UNC5C: variants seen among roughly 807,000 people sequenced by gnomAD.
UNC5C encodes the protein unc-5 netrin receptor C.
Under a neutral mutation model 99.8 loss-of-function variants are expected in UNC5C, and 47 were observed. That is an observed-to-expected ratio of 0.47 (90% CI 0.37 to 0.60). UNC5C has a LOEUF of 0.60. Among genes scored for constraint, UNC5C ranks in the 20% least tolerant of loss-of-function variants. The probability of loss-of-function intolerance (pLI) is 0.00; values close to 1 mark genes in which losing one functional copy is unlikely to be tolerated. For synonymous variants in UNC5C, 487 were observed against 452.2 expected, an observed-to-expected ratio of 1.08 and a Z score of -0.98; for missense variants, 1,062 against 1,165.9, an observed-to-expected ratio of 0.91 and a Z score of 1.30.
chr4:95,383,213 C>G (rs961723478), intron 1 of UNC5C, among the ~76,000 whole-genome samples: 1 of 151,986 alleles, frequency 6.6e-6, no homozygotes, highest in African/African-American at 2.4e-5. Flanking sequence ...TTTTCTTCTT[C>G]CAGCAAAGGA....
intron 1 of UNC5C, among the ~76,000 whole-genome samples, chr4:95,374,440 G>A (rs1744835044): frequency 6.6e-6 from 1 of 151,938 alleles, no homozygotes; most frequent in Non-Finnish European, 1.5e-5. Context: ...ATGCCTCTAT[G>A]GCCATCCTGG....
intron 1 of UNC5C, among the ~76,000 whole-genome samples, chr4:95,518,090 C>T (rs774049173): frequency 2.1e-4 from 32 of 152,120 alleles, no homozygotes; most frequent in Non-Finnish European, 3.7e-4. Context: ...TGTTATTCAA[C>T]ATAACCCTTC....
chr4:95,418,026 T>C (rs1208657644), intron 1 of UNC5C, among the ~76,000 whole-genome samples: 1 of 152,190 alleles, frequency 6.6e-6, no homozygotes, highest in Non-Finnish European at 1.5e-5. Context: ...AAGAAGTGAT[T>C]AGAAACTTTA....
chr4:95,424,518 C>CTTTCTTTTTTTTTTT (rs1746411107), intron 1 of UNC5C, among the ~76,000 whole-genome samples: 1 of 67,952 alleles, frequency 1.5e-5, no homozygotes, highest in Non-Finnish European at 2.7e-5. Context: ...TTTTTCTTTT[C>CTTTCTTTTTTTTTTT]TTTTTTTTTT....
intron 1 of UNC5C, among the ~76,000 whole-genome samples, chr4:95,347,902 GACA>G (rs775893454): frequency 2.0e-5 from 3 of 151,990 alleles, no homozygotes; most frequent in Non-Finnish European, 4.4e-5. Context: ...AGCAAAAATG[GACA>G]AATGGGTTCA....
intron 12 of UNC5C, among the ~76,000 whole-genome samples, chr4:95,194,707 C>T (rs1014809826): frequency 3.9e-5 from 6 of 152,176 alleles, no homozygotes; most frequent in Non-Finnish European, 7.3e-5. Context: ...CAGATGGTCC[C>T]GGATAATCTC....
At chr4:95,254,392 G>C (rs1473530957) in intron 4 of UNC5C, among the ~76,000 whole-genome samples, 2 of 152,108 alleles carry the variant, frequency 1.3e-5, no homozygotes, top group Non-Finnish European at 2.9e-5. Context: ...GAAAACATTT[G>C]TAATATATTA....
chr4:95,219,057 G>A lies in UNC5C; in HGVS notation c.1557C>T (p.Asn519=), dbSNP rs949113007. Residue 519 remains asparagine (N), a synonymous_variant, in exon 9 of 16, where the codon AAC becomes AAT. Coordinates refer to ENST00000453304, the MANE Select transcript of UNC5C (RefSeq NM_003728.4). ...GATCAGTCTGCCTTGCTAGACTCTG[G>A]TTCTTCAGGCTGAGGGCTTCATTCT... ...LLENEALSLK[N]QSLARQTDPS... is the part of the protein sequence containing the mutation. 15 of 1,614,160 alleles carry A rather than the reference G, an allele frequency of 9.3e-6. No individual in the cohort carries two copies. Among genetic ancestry groups the A allele is most frequent in the South Asian group, 3.3e-5 (3 of 91,088 alleles).
At chr4:95,199,564 C>G (rs1737569510) in intron 12 of UNC5C, among the ~76,000 whole-genome samples, 1 of 152,156 alleles carries the variant, frequency 6.6e-6, no homozygotes, top group South Asian at 2.1e-4. Flanking sequence ...GTTCATCACT[C>G]TTTCTCACTA....
At chr4:95,181,907 GAC>G (rs2149350010) in intron 14 of UNC5C, among the ~76,000 whole-genome samples, 1 of 152,328 alleles carries the variant, frequency 6.6e-6, no homozygotes, top group Admixed American at 6.5e-5. Flanking sequence ...CACTGTGCAT[GAC>G]ACAACGAGGG....
chr4:95,182,485 G>A (rs1458129258), intron 14 of UNC5C, among the ~76,000 whole-genome samples: 1 of 152,098 alleles, frequency 6.6e-6, no homozygotes, highest in Non-Finnish European at 1.5e-5. Context: ...AGGGGAAAGG[G>A]AGGAGAGTTG....
intron 2 of UNC5C, among the ~76,000 whole-genome samples, chr4:95,305,113 A>G (rs565119579): frequency 2.6e-5 from 4 of 152,306 alleles, no homozygotes; most frequent in African/African-American, 9.6e-5. Context: ...AGCTTCACAG[A>G]TGTCCCATTC....
chr4:95,309,928 A>G (rs949507839), intron 2 of UNC5C, among the ~76,000 whole-genome samples: 6 of 152,182 alleles, frequency 3.9e-5, no homozygotes, highest in African/African-American at 1.2e-4. Context: ...CAGTTCCACT[A>G]ATAGGTGTAT....
chr4:95,250,694 A>C (rs1273634316), intron 4 of UNC5C, 27 bp from the exon 5 acceptor site: 27 of 1,606,718 alleles, frequency 1.7e-5, no homozygotes, highest in South Asian at 2.2e-5. Flanking sequence ...AAAGTAGATA[A>C]ATCCTCAGCA....
At chr4:95,219,802 G>T (rs1218836851) in intron 8 of UNC5C, among the ~76,000 whole-genome samples, 183 bp downstream of exon 8, 3 of 152,174 alleles carry the variant, frequency 2.0e-5, no homozygotes, top group Non-Finnish European at 4.4e-5. Flanking sequence ...AAAAAAAGAG[G>T]ATTTATCTTG....
intron 3 of UNC5C, among the ~76,000 whole-genome samples, chr4:95,288,402 A>G (rs1273105808): frequency 1.3e-5 from 2 of 152,156 alleles, no homozygotes; most frequent in Non-Finnish European, 2.9e-5. Flanking sequence ...TTATATAACT[A>G]GAACTGTGAG....
chr4:95,302,774 T>G lies in UNC5C; in HGVS notation c.347-1025A>C, dbSNP rs533915734. Reference sequence around the variant, plus strand: ...CATTTATTCTTTGAATAAATATTTATTTAGTATCAATTATGTAAAAGATAA... The same window carrying G: ...CATTTATTCTTTGAATAAATATTTAGTTAGTATCAATTATGTAAAAGATAA... On this transcript the variant is annotated intron_variant, in intron 2 of 15. Coordinates refer to ENST00000453304, the MANE Select transcript of UNC5C (RefSeq NM_003728.4). Among the ~76,000 whole-genome samples, 120 of 152,348 alleles carry G rather than the reference T, an allele frequency of 7.9e-4. 1 individual carries two copies. Among genetic ancestry groups the G allele is most frequent in the African/African-American group, 2.7e-3 (114 of 41,592 alleles).
At chr4:95,184,766 A>G (rs1354572589) in intron 13 of UNC5C, among the ~76,000 whole-genome samples, 2 of 152,280 alleles carry the variant, frequency 1.3e-5, no homozygotes, top group East Asian at 3.9e-4. Flanking sequence ...ATTGATGTGA[A>G]CATTTAGTAT....
chr4:95,448,238 G>GACAGAGAGAGAGAC (rs1747175432), intron 1 of UNC5C, among the ~76,000 whole-genome samples: 1 of 136,940 alleles, frequency 7.3e-6, no homozygotes, highest in Admixed American at 7.3e-5. Context: ...GAGAGAGAGA[G>GACAGAGAGAGAGAC]AGAGAGAGAG....
Sources: allele counts gnomAD v4.1 joint callset (sites outside exome capture counted in the v4.1 genomes callset), GRCh38; gene constraint gnomAD v4.1.1; transcripts MANE v1.5; gene names NCBI Gene and HGNC (gene_info 2026-07-23, HGNC 2026-07-21).